The following FILIP1L variants were observed in gnomAD, a reference collection of about 807,000 sequenced individuals.
The protein encoded by FILIP1L is filamin A interacting protein 1 like.
FILIP1L carries 55 observed loss-of-function variants against 96.6 expected under a neutral mutation model. The ratio of observed to expected loss-of-function variants is 0.57; its 90% CI spans 0.46 to 0.71. The LOEUF (loss-of-function observed/expected upper bound fraction) is 0.71. Among genes scored for constraint, FILIP1L ranks in the 30% least tolerant of loss-of-function variants. The pLI is 0.00. For missense variants in FILIP1L, 1,304 were observed against 1,321.2 expected, an observed-to-expected ratio of 0.99 and a Z score of 0.20; for synonymous variants, 467 against 473.9, an observed-to-expected ratio of 0.99 and a Z score of 0.19.
At chr3:99,846,585 A>C (rs1003417448) in intron 5 of FILIP1L, among the ~76,000 whole-genome samples, 1 of 152,246 alleles carries the variant, frequency 6.6e-6, no homozygotes, top group Non-Finnish European at 1.5e-5. Context: ...GTGTTTAAAC[A>C]GAAGCTTTCT....
At chr3:100,041,524 A>G (rs1348505358) in intron 1 of FILIP1L, 2 of 152,178 alleles carry the variant, frequency 1.3e-5, no homozygotes, top group Non-Finnish European at 2.9e-5. Flanking sequence ...AAAGAATGTG[A>G]GGTCAAATTT....
chr3:100,072,357 A>T (rs1380080132), intron 1 of FILIP1L, among the ~76,000 whole-genome samples: 3 of 152,204 alleles, frequency 2.0e-5, no homozygotes, highest in Non-Finnish European at 4.4e-5. Context: ...CTCAAACTTG[A>T]ACATGGCTCT....
intron 4 of FILIP1L, among the ~76,000 whole-genome samples, chr3:99,883,255 G>T (rs1705787238): frequency 6.6e-6 from 1 of 152,156 alleles, no homozygotes; most frequent in South Asian, 2.1e-4. Flanking sequence ...TCCAAACTGA[G>T]AACTGGCTGC....
chr3:99,850,457 T>A lies in FILIP1L; in HGVS notation c.1219A>T (p.Thr407Ser), dbSNP rs200386812. 2.9e-5 allele frequency: 46 copies of A among 1,613,926 alleles called. No individual in the cohort carries two copies. The highest frequency in any genetic ancestry group is 1.6e-4 in the Middle Eastern group (1 of 6,082). Residue 407 changes from threonine to serine, a missense_variant, in exon 5 of 6, where the codon ACG becomes TCG. Coordinates refer to ENST00000477258, the MANE Select transcript of FILIP1L (RefSeq NM_001387850.1). ...AGTTTAAAGTCTTTACTCTGTAACG[T>A]CTCCCTTTCAAGCCTCTTATTGAGA... Reference protein sequence around the residue: ...RDLNKRLERETLQSKDFKLEV... With the variant: ...RDLNKRLERESLQSKDFKLEV...
At chr3:99,956,770 C>T (rs1019397746) in intron 1 of FILIP1L, among the ~76,000 whole-genome samples, 9 of 152,172 alleles carry the variant, frequency 5.9e-5, no homozygotes, top group South Asian at 2.1e-4. Flanking sequence ...CTTTATAACA[C>T]GCCCAGTGGT....
chr3:100,043,130 G>T (rs1009949057), intron 1 of FILIP1L, among the ~76,000 whole-genome samples: 2 of 152,208 alleles, frequency 1.3e-5, no homozygotes, highest in African/African-American at 4.8e-5. Flanking sequence ...AGTATCCTGT[G>T]TCTCAAATTG....
intron 1 of FILIP1L, among the ~76,000 whole-genome samples, chr3:100,097,727 G>T (rs2066235609): frequency 1.3e-5 from 2 of 152,084 alleles, no homozygotes. Flanking sequence ...ATTAGTTCTG[G>T]ATTTGAATAT....
chr3:99,970,454 T>C (rs1708780073), intron 1 of FILIP1L, among the ~76,000 whole-genome samples: 1 of 152,264 alleles, frequency 6.6e-6, no homozygotes, highest in Non-Finnish European at 1.5e-5. Context: ...AGTCTCATTC[T>C]CACATACTCT....
chr3:100,098,810 A>G (rs971122607), intron 1 of FILIP1L, among the ~76,000 whole-genome samples: 3 of 152,226 alleles, frequency 2.0e-5, no homozygotes, highest in African/African-American at 7.2e-5. Flanking sequence ...AAACTAGGAA[A>G]ATATTTTAGG....
chr3:100,100,919 C>CAAG (rs758588737), intron 1 of FILIP1L, among the ~76,000 whole-genome samples: 2 of 152,126 alleles, frequency 1.3e-5, no homozygotes, highest in East Asian at 3.9e-4. Flanking sequence ...AGTGGTTGAC[C>CAAG]AAGATTTAGC....
chr3:99,902,226 G>T lies in FILIP1L; in HGVS notation c.605+22004C>A, dbSNP rs556641630. On this transcript the variant is annotated intron_variant, in intron 4 of 5. Coordinates refer to ENST00000477258, the MANE Select transcript of FILIP1L (RefSeq NM_001387850.1). ...TCTTAGTACCATGTGACATTTTTTT[G>T]AGTAGGAATTTGGGGGCATGGTCTC... Among the ~76,000 whole-genome samples, 10 of 152,108 alleles carry T rather than the reference G, an allele frequency of 6.6e-5. No individual in the cohort carries two copies. In the East Asian group the frequency reaches 1.5e-3, roughly 23 times the overall value.
intron 1 of FILIP1L, chr3:100,051,202 T>A (rs1003076585): frequency 1.3e-5 from 2 of 152,180 alleles, no homozygotes; most frequent in African/African-American, 4.8e-5. Context: ...TCCAGCTTCT[T>A]ATTTTTTCCG....
At chr3:100,045,009 T>C (rs1156598793) in intron 1 of FILIP1L, among the ~76,000 whole-genome samples, 1 of 152,248 alleles carries the variant, frequency 6.6e-6, no homozygotes, top group Non-Finnish European at 1.5e-5. Flanking sequence ...TAGAGAGGAC[T>C]AGATCCTAAG....
rs545000329 is a variant in FILIP1L, at chr3:100,018,037, A to T, written c.-10-87007T>A. Among the ~76,000 whole-genome samples the T allele has an allele frequency of 5.3e-5, 8 of 152,040 alleles. No homozygotes were observed. The South Asian group carries it at 1.7e-3, about 32-fold the overall frequency. On this transcript the variant is annotated intron_variant, in intron 1 of 5. Transcript: ENST00000477258. ...GTTGTGCACAGTGACCAATATGTAT[A>T]AAAGGTGAAGGCTAGGTCCAGGGGC...
intron 4 of FILIP1L, among the ~76,000 whole-genome samples, chr3:99,897,630 G>T (rs1334165677): frequency 2.0e-5 from 3 of 152,186 alleles, no homozygotes; most frequent in African/African-American, 7.2e-5. Context: ...TATTTGAGGA[G>T]AAATCCAGAA....
intron 4 of FILIP1L, among the ~76,000 whole-genome samples, chr3:99,905,295 T>A (rs1473772283): frequency 1.3e-5 from 2 of 152,184 alleles, no homozygotes; most frequent in African/African-American, 4.8e-5. Context: ...CTGGCCTGAG[T>A]TCCATCTAGT....
intron 1 of FILIP1L, among the ~76,000 whole-genome samples, chr3:100,084,042 A>G (rs561924264): frequency 4.3e-4 from 66 of 152,328 alleles, no homozygotes; most frequent in African/African-American, 1.5e-3. Context: ...TAAAATAATA[A>G]TAATGCTTGT....
At chr3:99,935,425 A>C (rs1401611423) in intron 1 of FILIP1L, among the ~76,000 whole-genome samples, 1 of 152,184 alleles carries the variant, frequency 6.6e-6, no homozygotes, top group African/African-American at 2.4e-5. Flanking sequence ...TGACTGTCAT[A>C]ACCCTAGAAC....
chr3:100,051,782 T>C (rs900850381), intron 1 of FILIP1L, among the ~76,000 whole-genome samples: 2 of 151,500 alleles, frequency 1.3e-5, no homozygotes, highest in African/African-American at 4.8e-5. Context: ...TGGTTCCAAG[T>C]CTTTGCTATT....
Sources: gnomAD v4.1 joint callset for allele counts (sites outside exome capture counted in the v4.1 genomes callset) on GRCh38, gnomAD v4.1.1 for gene constraint, MANE v1.5 for transcripts, NCBI Gene and HGNC (gene_info 2026-07-23, HGNC 2026-07-21) for gene names.